Variants in L3MBTL3 observed in about 807,000 individuals in gnomAD.
L3MBTL3 encodes the protein lethal(3)malignant brain tumor-like protein 3.
A neutral mutation model predicts 102.3 loss-of-function variants in L3MBTL3; 27 were observed. The ratio of observed to expected loss-of-function variants is 0.26; its 90% CI spans 0.19 to 0.36. The LOEUF (loss-of-function observed/expected upper bound fraction) is 0.36, where lower values mean the gene tolerates loss of function less well. Among genes scored for constraint, L3MBTL3 ranks in the 10% least tolerant of loss-of-function variants. L3MBTL3 has a pLI of 1.00. For synonymous variants in L3MBTL3, 340 were observed against 320.9 expected (o/e 1.06, Z -0.64); for missense variants, 798 against 955.3 (o/e 0.84, Z 2.17).
At chr6:130,052,833 C>T (rs369483165) in intron 6 of L3MBTL3, 26 bp from the exon 7 acceptor site, 8 of 1,605,284 alleles carry the variant, frequency 5.0e-6, no homozygotes, top group Non-Finnish European at 5.1e-6. Flanking sequence ...TCTCTTGTCA[C>T]TATTTTGGGT....
chr6:130,120,411 G>C (rs1582616700), intron 19 of L3MBTL3, among the ~76,000 whole-genome samples: 2 of 152,132 alleles, frequency 1.3e-5, no homozygotes, highest in East Asian at 3.8e-4. Context: ...GATTAAGCCA[G>C]GAAAAGCTTC....
At chr6:130,079,401 C>T (rs1353441878) in intron 14 of L3MBTL3, among the ~76,000 whole-genome samples, 2 of 152,140 alleles carry the variant, frequency 1.3e-5, no homozygotes, top group South Asian at 4.1e-4. Flanking sequence ...AGTGTAACTG[C>T]TGATAAATAG....
chr6:130,117,519 T>C (rs1055070027), intron 19 of L3MBTL3, among the ~76,000 whole-genome samples: 1 of 152,156 alleles, frequency 6.6e-6, no homozygotes, highest in African/African-American at 2.4e-5. Flanking sequence ...ATTTTGTCTG[T>C]AATTGGAAGA....
chr6:130,086,363 T>C, intron 16 of L3MBTL3, 113 bp downstream of exon 16: 1 of 693,074 alleles, frequency 1.4e-6, no homozygotes. Flanking sequence ...ATCATAGGAA[T>C]AAGCAAAATA....
At chr6:130,070,510 A>G (rs1328540991) in intron 12 of L3MBTL3, among the ~76,000 whole-genome samples, 1 of 152,150 alleles carries the variant, frequency 6.6e-6, no homozygotes, top group African/African-American at 2.4e-5. Flanking sequence ...TTTGAGAGAT[A>G]TTTTCGGAAG....
chr6:130,052,764 GA>G, intron 6 of L3MBTL3, 94 bp from the exon 7 acceptor site: 3 of 1,412,948 alleles, frequency 2.1e-6, no homozygotes, highest in Admixed American at 2.6e-5. Context: ...TTTGCAGGGT[GA>G]TTTTTTTTTA....
At chr6:130,077,580 A>G (rs1234103885) in intron 13 of L3MBTL3, among the ~76,000 whole-genome samples, 1 of 152,264 alleles carries the variant, frequency 6.6e-6, no homozygotes, top group African/African-American at 2.4e-5. Flanking sequence ...TTATTGTCCC[A>G]GGCTGCGCCT....
chr6:130,063,006 G>A (rs77763309), intron 10 of L3MBTL3, among the ~76,000 whole-genome samples: 1 of 122,194 alleles, frequency 8.2e-6, no homozygotes, highest in African/African-American at 3.0e-5. Flanking sequence ...TTTTTTTTCT[G>A]TTTTTTTTTC....
Position 130,066,372 on chromosome 6 carries a change from A to G in L3MBTL3, c.884A>G (p.Lys295Arg). The part of the protein sequence containing the change: ...TVAEVCGYRI[K>R]LHFDGYSDCY... The stretch of plus-strand genomic sequence containing the variant: ...TTTCAGGTTTGTGGATACCGGATAA[A>G]GCTTCACTTTGATGGGTATTCTGAT... The change falls in exon 11 of 23, where the codon AAG (lysine) becomes AGG (arginine). Residue 295 changes from lysine to arginine, a missense_variant. Physicochemically the swap from Lys to Arg is conservative, Grantham distance 26. Around this residue, in one of 4 missense-constraint regions of L3MBTL3, gnomAD observed 434 missense variants for 506.6 expected, o/e 0.86. Transcript: ENST00000361794. 2 of 1,604,538 alleles carry G rather than the reference A, an allele frequency of 1.2e-6. No homozygotes were observed. Among genetic ancestry groups the G allele is most frequent in the African/African-American group, 1.3e-5 (1 of 74,652 alleles).
At chr6:130,063,192 C>T (rs945749740) in intron 10 of L3MBTL3, among the ~76,000 whole-genome samples, 5 of 152,112 alleles carry the variant, frequency 3.3e-5, no homozygotes, top group African/African-American at 9.6e-5. Context: ...AACAGGAAGG[C>T]GGAGCAGGAA....
In L3MBTL3 at chr6:130,141,309, A is replaced by G. The variant is rs1788255659; in HGVS notation, c.*1556A>G. On this transcript the variant is annotated 3_prime_UTR_variant, in exon 23 of 23. Transcript: ENST00000361794. ...CAGTGACATCTGCAGTGTCCCAGTC[A>G]TTTATTTGCATGAATCTGCTTAAAT... The G allele has an allele frequency of 6.6e-6, 1 of 152,182 alleles. No homozygotes were observed. The highest frequency in any genetic ancestry group is 2.1e-4 in the South Asian group (1 of 4,828). 9.4% of individuals were successfully genotyped at this position (152,182 alleles called of 1,614,324 possible).
chr6:130,049,740 A>T lies in L3MBTL3; in HGVS notation c.215-16A>T. ...TAACACCTATATGCTGATGACTCCT[A>T]AATCTACATCTCCAGCCCCGACCTC... On this transcript the variant is annotated splice_polypyrimidine_tract_variant and intron_variant, in intron 4 of 22. Coordinates refer to ENST00000361794, the MANE Select transcript of L3MBTL3 (RefSeq NM_032438.4). 6.2e-7 allele frequency: 1 copy of T among 1,613,940 alleles called. No homozygotes were observed.
At chr6:130,066,971 T>A (rs1782298224) in intron 11 of L3MBTL3, among the ~76,000 whole-genome samples, 1 of 152,162 alleles carries the variant, frequency 6.6e-6, no homozygotes, top group African/African-American at 2.4e-5. Flanking sequence ...AAAATTGGCT[T>A]AGGTGGGGGG....
intron 22 of L3MBTL3, among the ~76,000 whole-genome samples, chr6:130,135,408 A>G (rs1223176608): frequency 6.6e-6 from 1 of 152,060 alleles, no homozygotes; most frequent in East Asian, 1.9e-4. Context: ...CCACATAGGG[A>G]GCTGTTGGTC....
chr6:130,108,358 C>G (rs1254152378), intron 19 of L3MBTL3, among the ~76,000 whole-genome samples: 1 of 151,578 alleles, frequency 6.6e-6, no homozygotes, highest in African/African-American at 2.4e-5. Context: ...CCTCAGCCTC[C>G]CGAGTAGCTG....
At chr6:130,071,232 C>G (rs1485362081) in intron 13 of L3MBTL3, 105 bp downstream of exon 13, 9 of 994,606 alleles carry the variant, frequency 9.0e-6, no homozygotes, top group Non-Finnish European at 1.3e-5. Flanking sequence ...AAGCAGTGTT[C>G]TGCCCCACTT....
intron 14 of L3MBTL3, among the ~76,000 whole-genome samples, chr6:130,082,671 G>T (rs6569650): frequency 6.6e-6 from 1 of 151,840 alleles, no homozygotes; most frequent in Non-Finnish European, 1.5e-5. Context: ...TCAAGGTTCC[G>T]TGCCTCTTTT....
chr6:130,066,286 GTATA>G lies in L3MBTL3; in HGVS notation c.865-53_865-50del, dbSNP rs148263906. On this transcript the variant is annotated intron_variant, in intron 10 of 22. Transcript: ENST00000361794. ...GCCTGGTGTCCATGTTTATTTTTGT[GTATA>G]TATATATATATATGAATATTCTGAG... is the stretch of plus-strand genomic sequence containing the variant. The G allele has an allele frequency of 2.6e-4, 102 of 386,916 alleles. 2 individuals carry two copies. Among genetic ancestry groups the G allele is most frequent in the Middle Eastern group, 9.7e-4 (1 of 1,030 alleles). The allele number at this position is 386,916 out of a possible 1,614,324, so 24.0% of individuals were successfully genotyped here. A position where few individuals can be genotyped will look rare whatever the true frequency, so the allele number is the denominator to read the frequency against.
chr6:130,086,135 G>A lies in L3MBTL3; in HGVS notation c.1408-5G>A. The A allele has an allele frequency of 1.3e-6, 2 of 1,598,426 alleles. No individual in the cohort carries two copies. The highest frequency in any genetic ancestry group is 1.7e-6 in the Non-Finnish European group (2 of 1,169,104). ...CTCACTCTGTAAAATTTTTTTTTGTGGCAGAAACCTCCTCATGGATTCCAG... is the reference window on the plus strand; with the variant it reads ...CTCACTCTGTAAAATTTTTTTTTGTAGCAGAAACCTCCTCATGGATTCCAG... On this transcript the variant is annotated splice_region_variant and splice_polypyrimidine_tract_variant and intron_variant, in intron 15 of 22. Coordinates refer to ENST00000361794, the MANE Select transcript of L3MBTL3 (RefSeq NM_032438.4).
Sources: gnomAD v4.1 joint callset for allele counts (sites outside exome capture counted in the v4.1 genomes callset) on GRCh38, gnomAD v4.1.1 for gene constraint, gnomAD v4.1.1 regional missense constraint, MANE v1.5 for transcripts, NCBI Gene and HGNC (gene_info 2026-07-23, HGNC 2026-07-21) for gene names.